SPRY3: variants seen among roughly 807,000 people sequenced by gnomAD.
SPRY3 encodes sprouty RTK signaling antagonist 3.
In SPRY3, 15 loss-of-function variants were observed where a neutral mutation model predicts 20.2. The observed-to-expected ratio is 0.74, with a 90% confidence interval of 0.50 to 1.14. SPRY3 has a LOEUF of 1.14. Among genes scored for constraint, SPRY3 ranks in the 50% most tolerant of loss-of-function variants. The probability of loss-of-function intolerance (pLI) is 0.00; values close to 1 mark genes in which losing one functional copy is unlikely to be tolerated. For missense variants in SPRY3, 364 were observed against 363.9 expected (o/e 1.00, Z 0.00); for synonymous variants, 143 against 136.5 (o/e 1.05, Z -0.33).
At chrX:155,646,408 T>C (rs1392170653) in intron 1 of SPRY3, among the ~76,000 whole-genome samples, 2 of 112,182 alleles carry the variant, frequency 1.8e-5, no homozygotes, top group African/African-American at 6.5e-5. Context: ...ATATTAAAAT[T>C]TCCAATCCAT....
chrX:155,743,439 G>A (rs1283722651), intron 2 of SPRY3, among the ~76,000 whole-genome samples: 1 of 152,108 alleles, frequency 6.6e-6, no homozygotes, highest in African/African-American at 2.4e-5. Context: ...CTTAATACCA[G>A]ATAAGGCATG....
intron 2 of SPRY3, among the ~76,000 whole-genome samples, chrX:155,690,993 G>A (rs1421867620): frequency 1.1e-5 from 1 of 87,167 alleles, no homozygotes; most frequent in East Asian, 3.3e-4. Context: ...TTTTGATTAA[G>A]TTAAATTTTT....
chrX:155,659,101 T>TTTC (rs1305559893), intron 2 of SPRY3, among the ~76,000 whole-genome samples: 1 of 99,617 alleles, frequency 1.0e-5, no homozygotes, highest in Non-Finnish European at 2.0e-5. Flanking sequence ...TCTTTTTTTC[T>TTTC]TTCTTCTTTC....
chrX:155,739,859 A>T (rs1486669779), intron 2 of SPRY3, among the ~76,000 whole-genome samples: 3 of 152,182 alleles, frequency 2.0e-5, no homozygotes, highest in African/African-American at 7.2e-5. Flanking sequence ...CAAAGATGAG[A>T]AAGAATCAAT....
intron 2 of SPRY3, among the ~76,000 whole-genome samples, chrX:155,706,517 TA>T (rs772979894): frequency 1.1e-3 from 160 of 150,602 alleles, no homozygotes; most frequent in Admixed American, 2.8e-3. Flanking sequence ...CAATAAAGTT[TA>T]AAAGAGAAAA....
intron 1 of SPRY3, among the ~76,000 whole-genome samples, chrX:155,620,459 A>T (rs1370827023): frequency 9.0e-6 from 1 of 111,622 alleles, no homozygotes; most frequent in African/African-American, 3.2e-5. Flanking sequence ...ATGCAAATTG[A>T]TAATTAACTA....
At position 155,655,205 on chromosome X, in the gene SPRY3, G is replaced by A. The variant is rs147522670; in HGVS notation, c.-440-1662G>A. On this transcript the variant is annotated intron_variant, in intron 1 of 3. Coordinates refer to ENST00000675360, the Ensembl canonical transcript of SPRY3. ...GTGTCCTTTGGCCATTTTTAATGGG[G>A]TTATTTGGGATTTTTTTCTTGTTGA... is the stretch of plus-strand genomic sequence containing the variant. 3.1e-4 allele frequency among the ~76,000 whole-genome samples: 34 copies of A among 111,360 alleles called. 1 individual carries two copies. In the East Asian group the frequency reaches 7.9e-3, roughly 26 times the overall value.
intron 2 of SPRY3, among the ~76,000 whole-genome samples, chrX:155,712,675 C>T (rs2090995153): frequency 6.6e-6 from 1 of 151,926 alleles, no homozygotes; most frequent in Non-Finnish European, 1.5e-5. Context: ...AGTCTATTTA[C>T]ATTCAATGTC....
chrX:155,675,468 C>T lies in SPRY3; in HGVS notation c.-282+18443C>T, dbSNP rs191086091. On this transcript the variant is annotated intron_variant, in intron 2 of 3. Coordinates refer to ENST00000675360, the Ensembl canonical transcript of SPRY3. ...ACATAGCTTAAAGGCATGCCAGAAA[C>T]GTCAAAATTAAGTAAAGCAGTCCGT... 5.9e-4 allele frequency among the ~76,000 whole-genome samples: 65 copies of T among 110,807 alleles called. 1 individual carries two copies. The highest frequency in any genetic ancestry group is 1.1e-3 in the Non-Finnish European group (60 of 52,872).
intron 3 of SPRY3, among the ~76,000 whole-genome samples, 188 bp from the exon 3 acceptor site, chrX:155,773,578 T>C (rs1050739705): frequency 6.6e-6 from 1 of 151,984 alleles, no homozygotes; most frequent in Non-Finnish European, 1.5e-5. Flanking sequence ...CTTTATAGTC[T>C]GGAGGGGATG....
At chrX:155,654,351 A>C (rs1204452975) in intron 1 of SPRY3, among the ~76,000 whole-genome samples, 1 of 111,617 alleles carries the variant, frequency 9.0e-6, no homozygotes, top group Non-Finnish European at 1.9e-5. Flanking sequence ...TTTAGGAGAT[A>C]GAAGTGCCAT....
intron 2 of SPRY3, among the ~76,000 whole-genome samples, chrX:155,667,268 GT>G (rs2068027454): frequency 9.0e-6 from 1 of 110,917 alleles, no homozygotes; most frequent in Admixed American, 9.6e-5. Flanking sequence ...GGGGCATTTT[GT>G]TTGTTGTTTT....
At chrX:155,716,053 T>C (rs1046231763) in intron 2 of SPRY3, among the ~76,000 whole-genome samples, 1 of 152,180 alleles carries the variant, frequency 6.6e-6, no homozygotes, top group Non-Finnish European at 1.5e-5. Context: ...TGATTTTTGG[T>C]TCTTGTGATG....
intron 3 of SPRY3, among the ~76,000 whole-genome samples, chrX:155,769,998 G>A (rs1283408574): frequency 1.3e-5 from 2 of 152,122 alleles, no homozygotes; most frequent in African/African-American, 4.8e-5. Flanking sequence ...AACATATAAA[G>A]CCAAAGCAGA....
intron 2 of SPRY3, among the ~76,000 whole-genome samples, chrX:155,713,006 T>C (rs763808528): frequency 2.6e-5 from 4 of 152,184 alleles, no homozygotes; most frequent in Admixed American, 2.6e-4. Flanking sequence ...TTTTTAATTT[T>C]TTGTTGTTTC....
chrX:155,707,857 T>A (rs1182763404), intron 2 of SPRY3, among the ~76,000 whole-genome samples: 1 of 151,282 alleles, frequency 6.6e-6, no homozygotes, highest in Admixed American at 6.6e-5. Context: ...TTTTGCTTTT[T>A]CACCTAGTTT....
intron 2 of SPRY3, among the ~76,000 whole-genome samples, chrX:155,760,393 A>C (rs2091299392): frequency 6.6e-6 from 1 of 152,162 alleles, no homozygotes; most frequent in African/African-American, 2.4e-5. Flanking sequence ...ATTGTTTTCT[A>C]TAGTTACTAT....
intron 2 of SPRY3, among the ~76,000 whole-genome samples, chrX:155,733,952 G>GCT (rs2091151438): frequency 6.6e-6 from 1 of 152,074 alleles, no homozygotes; most frequent in Non-Finnish European, 1.5e-5. Context: ...TAAAGGCCTT[G>GCT]CTCTGGATTT....
intron 1 of SPRY3, among the ~76,000 whole-genome samples, chrX:155,638,686 A>G (rs2067932306): frequency 9.0e-6 from 1 of 110,804 alleles, no homozygotes; most frequent in Non-Finnish European, 1.9e-5. Flanking sequence ...CTAAACCTGT[A>G]GAACAATTTG....
Sources: gnomAD v4.1 joint callset for allele counts (sites outside exome capture counted in the v4.1 genomes callset) on GRCh38, gnomAD v4.1.1 for gene constraint, MANE v1.5 for transcripts, NCBI Gene and HGNC (gene_info 2026-07-23, HGNC 2026-07-21) for gene names.